The following TACR1 variants were observed in gnomAD, a reference collection of about 807,000 sequenced individuals.
The protein encoded by TACR1 is substance-P receptor.
Under a neutral mutation model 35.8 loss-of-function variants are expected in TACR1, and 25 were observed. That is an observed-to-expected ratio of 0.70 (90% CI 0.51 to 0.98). The LOEUF (loss-of-function observed/expected upper bound fraction) is 0.98. Ranked by LOEUF, TACR1 falls within the 50% of genes least tolerant of loss-of-function variation. TACR1 has a pLI of 0.00. For missense variants in TACR1, 478 were observed against 522.9 expected (o/e 0.91, Z 0.84); for synonymous variants, 195 against 206.7 (o/e 0.94, Z 0.48).
intron 1 of TACR1, among the ~76,000 whole-genome samples, chr2:75,182,960 G>A (rs1243217830): frequency 6.6e-6 from 1 of 152,168 alleles, no homozygotes; most frequent in Non-Finnish European, 1.5e-5. Flanking sequence ...TTGGATTAAT[G>A]TCTTATTAAT....
At chr2:75,120,843 C>A in intron 1 of TACR1, 75 bp from the exon 2 acceptor site, 1 of 1,234,292 alleles carries the variant, frequency 8.1e-7, no homozygotes, top group South Asian at 1.9e-5. Flanking sequence ...ATTTTTCCTG[C>A]CAATAAGAAA....
chr2:75,068,612 C>T (rs1286275929), intron 2 of TACR1, among the ~76,000 whole-genome samples: 1 of 152,166 alleles, frequency 6.6e-6, no homozygotes, highest in Non-Finnish European at 1.5e-5. Flanking sequence ...CTTTTAAATT[C>T]TTTACATATA....
intron 2 of TACR1, among the ~76,000 whole-genome samples, chr2:75,069,083 A>T (rs1642225374): frequency 6.6e-6 from 1 of 151,982 alleles, no homozygotes; most frequent in African/African-American, 2.4e-5. Flanking sequence ...GTCTCACGAG[A>T]TGTGATGGTT....
chr2:75,100,483 A>C (rs556111748), intron 2 of TACR1, among the ~76,000 whole-genome samples: 1 of 152,154 alleles, frequency 6.6e-6, no homozygotes, highest in Non-Finnish European at 1.5e-5. Context: ...ATGCCATATG[A>C]CTAACTCATA....
intron 1 of TACR1, among the ~76,000 whole-genome samples, chr2:75,174,349 C>CTA (rs1675362750): frequency 2.6e-5 from 4 of 152,160 alleles, no homozygotes; most frequent in South Asian, 4.2e-4. Context: ...GTACTGAACC[C>CTA]TATATATATA....
intron 2 of TACR1, among the ~76,000 whole-genome samples, chr2:75,113,302 A>T (rs985095767): frequency 6.6e-6 from 1 of 152,228 alleles, no homozygotes; most frequent in Admixed American, 6.5e-5. Flanking sequence ...CAGCACCCCA[A>T]AGGAGTCCTA....
At chr2:75,167,508 G>T (rs1216783741) in intron 1 of TACR1, among the ~76,000 whole-genome samples, 1 of 152,124 alleles carries the variant, frequency 6.6e-6, no homozygotes, top group Non-Finnish European at 1.5e-5. Context: ...CTACTTACAA[G>T]AATTTAATAT....
chr2:75,083,394 G>A (rs1267693569), intron 2 of TACR1, among the ~76,000 whole-genome samples: 3 of 152,186 alleles, frequency 2.0e-5, no homozygotes, highest in African/African-American at 7.2e-5. Context: ...GCTTAGGATT[G>A]ACTTGGCAAT....
intron 1 of TACR1, chr2:75,187,660 T>A (rs1174180407): frequency 6.6e-6 from 1 of 152,230 alleles, no homozygotes; most frequent in African/African-American, 2.4e-5. Context: ...GCTCTTCTCT[T>A]GGTTCAACTC....
Position 75,094,322 on chromosome 2 carries a change from C to T in TACR1, c.584+26252G>A, listed in dbSNP as rs532414794. ...GAGAAGTAAGTAGGCTATGGAATTT[C>T]GTCGGGTAAAGTATTAAGAAAATAG... On this transcript the variant is annotated intron_variant, in intron 2 of 4. Transcript: ENST00000305249. Among the ~76,000 whole-genome samples, 13 of 152,224 alleles carry T rather than the reference C, an allele frequency of 8.5e-5. No homozygotes were observed. The East Asian group carries it at 1.5e-3, about 18-fold the overall frequency.
intron 2 of TACR1, among the ~76,000 whole-genome samples, chr2:75,058,227 A>G: frequency 6.6e-6 from 1 of 152,180 alleles, no homozygotes; most frequent in East Asian, 1.9e-4. Flanking sequence ...AAAATTAAAT[A>G]CTTTTTTTGA....
At chr2:75,115,084 CGTGTGTGTGTGTGT>C (rs3079164) in intron 2 of TACR1, among the ~76,000 whole-genome samples, 11 of 148,670 alleles carry the variant, frequency 7.4e-5, no homozygotes, top group African/African-American at 1.5e-4. Flanking sequence ...TGTTAACATA[CGTGTGTGTGTGTGT>C]GTGTGTGTGT....
chr2:75,061,016 T>C (rs1419774143), intron 2 of TACR1, among the ~76,000 whole-genome samples: 2 of 152,106 alleles, frequency 1.3e-5, no homozygotes, highest in African/African-American at 4.8e-5. Context: ...TAGATTGCCT[T>C]TTGGATATGT....
chr2:75,169,763 A>T (rs1324232298), intron 1 of TACR1, among the ~76,000 whole-genome samples: 1 of 152,180 alleles, frequency 6.6e-6, no homozygotes. Context: ...TATGATAGCT[A>T]TTCAACTTAT....
At chr2:75,173,697 T>A (rs1477305243) in intron 1 of TACR1, among the ~76,000 whole-genome samples, 2 of 152,218 alleles carry the variant, frequency 1.3e-5, no homozygotes, top group African/African-American at 2.4e-5. Flanking sequence ...CAATCCTAAA[T>A]TGAAGTTTTG....
chr2:75,156,381 C>G (rs983811422), intron 1 of TACR1: 1 of 146,842 alleles, frequency 6.8e-6, no homozygotes, highest in Non-Finnish European at 1.5e-5. Flanking sequence ...TTTGGGAGGC[C>G]AGGGCGGGCG....
intron 2 of TACR1, among the ~76,000 whole-genome samples, chr2:75,086,682 G>T (rs769055368): frequency 1.3e-5 from 2 of 152,138 alleles, no homozygotes; most frequent in African/African-American, 2.4e-5. Flanking sequence ...ATGGATATGA[G>T]AGACACTTCA....
intron 2 of TACR1, among the ~76,000 whole-genome samples, chr2:75,094,641 G>A (rs1016251222): frequency 6.6e-6 from 1 of 151,800 alleles, no homozygotes; most frequent in African/African-American, 2.4e-5. Context: ...CATGATGGTG[G>A]TGGTGATGAT....
At chr2:75,182,534 T>A (rs1297466591) in intron 1 of TACR1, among the ~76,000 whole-genome samples, 2 of 152,328 alleles carry the variant, frequency 1.3e-5, no homozygotes, top group East Asian at 3.9e-4. Context: ...AGACTAAGTA[T>A]ATGATGGTGC....
Sources: allele counts gnomAD v4.1 joint callset (sites outside exome capture counted in the v4.1 genomes callset), GRCh38; gene constraint gnomAD v4.1.1; transcripts MANE v1.5; gene names NCBI Gene and HGNC (gene_info 2026-07-23, HGNC 2026-07-21).